Variants in DMD observed in about 807,000 individuals in gnomAD.
DMD encodes the protein dystrophin.
In DMD, 63 loss-of-function variants were observed where a neutral mutation model predicts 330.1. The observed-to-expected ratio is 0.19, with a 90% CI of 0.16 to 0.24. The LOEUF is 0.24. DMD is among the 10% of genes least tolerant of loss of function. The pLI is 1.00. For synonymous variants in DMD, 1,223 were observed against 959.8 expected, an observed-to-expected ratio of 1.27 and a Z score of -5.07; for missense variants, 3,344 against 2,684.1, an observed-to-expected ratio of 1.25 and a Z score of -5.43.
At chrX:32,535,486 A>G (rs2047866071) in intron 17 of DMD, among the ~76,000 whole-genome samples, 1 of 111,508 alleles carries the variant, frequency 9.0e-6, no homozygotes, top group African/African-American at 3.3e-5. Context: ...TTTTCTCTGG[A>G]TAGCTAGCTC....
rs1215435190 is a variant in DMD, at chrX:31,316,045, G to A, written c.9224+7553C>T. 5.4e-5 allele frequency among the ~76,000 whole-genome samples: 6 copies of A among 112,132 alleles called. No individual in the cohort carries two copies. In the Admixed American group the frequency reaches 5.7e-4, roughly 11 times the overall value. On this transcript the variant is annotated intron_variant, in intron 62 of 78. Coordinates refer to ENST00000357033, the MANE Select transcript of DMD (RefSeq NM_004006.3). ...CTAGTTCAACCTTCTCATTGAGGTT[G>A]AGCTAAGTTATACTCCTTATCATAT...
At chrX:32,682,895 G>A (rs1204995390) in intron 9 of DMD, among the ~76,000 whole-genome samples, 1 of 111,782 alleles carries the variant, frequency 8.9e-6, no homozygotes, top group Non-Finnish European at 1.9e-5. Context: ...TCCCTTTGCG[G>A]AGTGACTGGG....
At chrX:31,945,961 G>A (rs1425988916) in intron 45 of DMD, among the ~76,000 whole-genome samples, 1 of 111,878 alleles carries the variant, frequency 8.9e-6, no homozygotes, top group East Asian at 2.8e-4. Context: ...AATTTGTTGA[G>A]AGTCCTGGGA....
At chrX:32,517,796 G>T (rs940004428) in intron 18 of DMD, 2 of 439,847 alleles carry the variant, frequency 4.5e-6, no homozygotes, top group Non-Finnish European at 8.0e-6. Context: ...TTTATGAAAG[G>T]CATCCCTAGT....
At chrX:32,526,863 C>G (rs898116667) in intron 17 of DMD, among the ~76,000 whole-genome samples, 3 of 111,935 alleles carry the variant, frequency 2.7e-5, no homozygotes, top group Non-Finnish European at 3.8e-5. Context: ...TGTTAATTTT[C>G]TTTACAGTGA....
intron 37 of DMD, among the ~76,000 whole-genome samples, chrX:32,362,100 T>C (rs993047973): frequency 8.9e-6 from 1 of 111,947 alleles, no homozygotes; most frequent in African/African-American, 3.2e-5. Context: ...AAAAGTTCCA[T>C]ATTCCCTGGT....
At chrX:32,321,295 T>G (rs1309807101) in intron 41 of DMD, among the ~76,000 whole-genome samples, 1 of 110,612 alleles carries the variant, frequency 9.0e-6, no homozygotes, top group South Asian at 3.8e-4. Flanking sequence ...GAAGAATATA[T>G]GTATCAGGAC....
At chrX:31,209,725 A>T in intron 64 of DMD, 26 bp from the exon 65 acceptor site, 1 of 1,186,911 alleles carries the variant, frequency 8.4e-7, no homozygotes, top group South Asian at 1.8e-5. Flanking sequence ...AAAATCACAA[A>T]TGACTCAAAG....
intron 6 of DMD, among the ~76,000 whole-genome samples, chrX:32,815,933 C>T (rs950057250): frequency 4.5e-5 from 5 of 111,209 alleles, no homozygotes; most frequent in Non-Finnish European, 9.4e-5. Context: ...ATGCTCTGAG[C>T]ATCTTATGAC....
At chrX:31,853,828 T>C (rs1023356997) in intron 48 of DMD, among the ~76,000 whole-genome samples, 1 of 112,339 alleles carries the variant, frequency 8.9e-6, no homozygotes, top group Non-Finnish European at 1.9e-5. Flanking sequence ...ACAACAATTC[T>C]TGTAACTAAG....
chrX:31,554,095 T>C (rs2074657833), intron 55 of DMD, among the ~76,000 whole-genome samples: 1 of 112,500 alleles, frequency 8.9e-6, no homozygotes, highest in Non-Finnish European at 1.9e-5. Flanking sequence ...TTTTCAGTCA[T>C]GCTTTGCTGA....
At chrX:31,676,952 T>C (rs185276017) in intron 53 of DMD, among the ~76,000 whole-genome samples, 22 of 111,716 alleles carry the variant, frequency 2.0e-4, no homozygotes, top group African/African-American at 7.1e-4. Flanking sequence ...TTACATTGAA[T>C]CTGCAGCAAT....
intron 17 of DMD, 143 bp from the exon 18 acceptor site, chrX:32,518,274 A>T (rs1404017505): frequency 1.7e-6 from 1 of 601,989 alleles, no homozygotes; most frequent in Admixed American, 3.3e-5. Context: ...TAGCAGCACT[A>T]TTTTCCCTGT....
intron 17 of DMD, among the ~76,000 whole-genome samples, chrX:32,536,110 C>A (rs1216198355): frequency 5.5e-5 from 6 of 109,179 alleles, no homozygotes; most frequent in Non-Finnish European, 1.9e-5. Context: ...ACTAAAAATA[C>A]AAAAATTAGC....
intron 63 of DMD, among the ~76,000 whole-genome samples, chrX:31,235,206 C>CAT (rs1237935807): frequency 9.0e-6 from 1 of 111,703 alleles, no homozygotes; most frequent in Non-Finnish European, 1.9e-5. Flanking sequence ...CATACAGAAA[C>CAT]ATATAATGAA....
intron 7 of DMD, among the ~76,000 whole-genome samples, chrX:32,748,211 C>A (rs957304770): frequency 9.2e-6 from 1 of 108,863 alleles, no homozygotes; most frequent in African/African-American, 3.4e-5. Context: ...GGTGTGGTTG[C>A]GGATGCCTGT....
chrX:32,508,497 C>G (rs1283587302), intron 18 of DMD, among the ~76,000 whole-genome samples: 1 of 111,439 alleles, frequency 9.0e-6, no homozygotes, highest in African/African-American at 3.3e-5. Context: ...CCTTTTTGCT[C>G]TGCTGTTATC....
At chrX:32,755,711 T>C (rs959516795) in intron 7 of DMD, among the ~76,000 whole-genome samples, 2 of 112,436 alleles carry the variant, frequency 1.8e-5, no homozygotes, top group African/African-American at 6.5e-5. Context: ...AACATGTTTT[T>C]TCCTTAGCAC....
At chrX:32,688,213 A>G (rs1280914195) in intron 9 of DMD, among the ~76,000 whole-genome samples, 1 of 111,089 alleles carries the variant, frequency 9.0e-6, no homozygotes, top group Non-Finnish European at 1.9e-5. Context: ...CATGACTTAA[A>G]TGAGAGCATT....
Sources: gnomAD v4.1 joint callset for allele counts (sites outside exome capture counted in the v4.1 genomes callset) on GRCh38, gnomAD v4.1.1 for gene constraint, MANE v1.5 for transcripts, NCBI Gene and HGNC (gene_info 2026-07-23, HGNC 2026-07-21) for gene names.